DSCAML1: variants seen among roughly 807,000 people sequenced by gnomAD.
DSCAML1 encodes the protein cell adhesion molecule DSCAML1.
A neutral mutation model predicts 200.5 loss-of-function variants in DSCAML1; 38 were observed. The observed-to-expected ratio is 0.19, with a 90% confidence interval of 0.15 to 0.25. DSCAML1 has a LOEUF of 0.25. Among genes scored for constraint, DSCAML1 ranks in the 10% least tolerant of loss-of-function variants. DSCAML1 has a pLI of 1.00. For synonymous variants in DSCAML1, 1,215 were observed against 1,165.0 expected (o/e 1.04, Z -0.87); for missense variants, 2,223 against 2,858.8 (o/e 0.78, Z 5.07).
At chr11:117,653,812 C>T (rs1429159559) in intron 3 of DSCAML1, among the ~76,000 whole-genome samples, 1 of 152,150 alleles carries the variant, frequency 6.6e-6, no homozygotes, top group Non-Finnish European at 1.5e-5. Context: ...CCAAAATGTC[C>T]ATCAACTGGT....
intron 3 of DSCAML1, among the ~76,000 whole-genome samples, chr11:117,579,360 A>G (rs1420061224): frequency 6.6e-6 from 1 of 152,106 alleles, no homozygotes; most frequent in Non-Finnish European, 1.5e-5. Context: ...TGGCTCCCCT[A>G]TCCTTGTTGA....
intron 30 of DSCAML1, 23 bp downstream of exon 30, chr11:117,432,329 G>C: frequency 6.2e-7 from 1 of 1,602,044 alleles, no homozygotes; most frequent in Non-Finnish European, 8.5e-7. Flanking sequence ...GAAAAGGGCT[G>C]TCTCCCTGGG....
intron 3 of DSCAML1, among the ~76,000 whole-genome samples, chr11:117,542,782 A>G (rs1054044513): frequency 6.6e-6 from 1 of 152,250 alleles, no homozygotes; most frequent in African/African-American, 2.4e-5. Context: ...CTTCCTTTAC[A>G]GATGAGGAAA....
intron 3 of DSCAML1, among the ~76,000 whole-genome samples, chr11:117,575,572 A>G (rs1478493556): frequency 6.6e-6 from 1 of 152,230 alleles, no homozygotes; most frequent in African/African-American, 2.4e-5. Context: ...CTCCTGCATG[A>G]GAAGAGCTCA....
chr11:117,798,891 G>C (rs534972481), upstream of DSCAML1, among the ~76,000 whole-genome samples: 15 of 152,126 alleles, frequency 9.9e-5, no homozygotes, highest in Admixed American at 4.6e-4. Context: ...AGCATCCCTC[G>C]GTGGCTCAGC....
chr11:117,646,050 C>A (rs1031875903), intron 3 of DSCAML1, among the ~76,000 whole-genome samples: 1 of 152,086 alleles, frequency 6.6e-6, no homozygotes, highest in Non-Finnish European at 1.5e-5. Context: ...TTTTACAGCT[C>A]TTTTCAAATG....
rs770489685 is a variant in DSCAML1 at position 117,776,870 on chromosome 11, G to A, written c.432C>T (p.Phe144=). ...QRSMRGNVAV[F]KCLIPSSVQE... ...GCACTGAAGAGGGGATGAGGCACTT[G>A]AAGACGGCCACGTTGCCACGCATTG... is the stretch of plus-strand genomic sequence containing the variant. The change falls in exon 3 of 33, where the codon TTC becomes TTT. Residue 144 remains phenylalanine, a synonymous_variant. Coordinates refer to ENST00000651296, the MANE Select transcript of DSCAML1 (RefSeq NM_020693.4). The A allele has an allele frequency of 6.2e-7, 1 of 1,614,078 alleles. No homozygotes were observed. The highest frequency in any genetic ancestry group is 8.5e-7 in the Non-Finnish European group (1 of 1,180,046).
intron 3 of DSCAML1, among the ~76,000 whole-genome samples, chr11:117,595,059 T>TACACACACACACACACACAC (rs374932790): frequency 2.7e-3 from 386 of 143,898 alleles, no homozygotes; most frequent in Middle Eastern, 0.014. Context: ...GTCTTTCTCT[T>TACACACACACACACACACAC]ACACACACAC....
chr11:117,619,995 GTGAGAAAAATTAGCTAATT>G (rs935653064), intron 3 of DSCAML1, among the ~76,000 whole-genome samples: 28 of 152,194 alleles, frequency 1.8e-4, no homozygotes, highest in African/African-American at 6.0e-4. Context: ...CCATAAATTG[GTGAGAAAAATTAGCTAATT>G]TAAGAAAAAT....
At chr11:117,757,572 A>G (rs7114641) in intron 3 of DSCAML1, among the ~76,000 whole-genome samples, 10,226 of 88,622 alleles carry the variant, frequency 0.12, 541 homozygotes, top group African/African-American at 0.22. Context: ...TTAGGAGCCT[A>G]TACACACACA....
chr11:117,509,500 C>T (rs917520398), intron 8 of DSCAML1, among the ~76,000 whole-genome samples: 7 of 152,188 alleles, frequency 4.6e-5, no homozygotes, highest in African/African-American at 9.6e-5. Flanking sequence ...TCCAACCCTG[C>T]TTCTGGGGGA....
At position 117,776,932 on chromosome 11, in the gene DSCAML1, T is replaced by G; in HGVS notation, c.370A>C (p.Arg124=). 6.2e-7 allele frequency: 1 copy of G among 1,613,804 alleles called. No individual in the cohort carries two copies. The highest frequency in any genetic ancestry group is 8.5e-7 in the Non-Finnish European group (1 of 1,179,996). Residue 124 remains arginine, a synonymous_variant, in exon 3 of 33, where the codon AGG becomes CGG. Coordinates refer to ENST00000651296, the MANE Select transcript of DSCAML1 (RefSeq NM_020693.4). ...TCCACCCGGACGGTGTAGGGTTCCC[T>G]GAAAACTGCAGAGAGATTGGCAGTG... ...SPNIRVKAVF[R]EPYTVRVEDQ...
chr11:117,676,905 C>T (rs116578625), intron 3 of DSCAML1, among the ~76,000 whole-genome samples: 1,672 of 152,252 alleles, frequency 0.011, 33 homozygotes, highest in African/African-American at 0.038. Context: ...GGGGTGTGGC[C>T]GAGCCACGAG....
At chr11:117,741,265 C>T (rs1370921416) in intron 3 of DSCAML1, among the ~76,000 whole-genome samples, 5 of 152,312 alleles carry the variant, frequency 3.3e-5, no homozygotes, top group Admixed American at 6.5e-5. Flanking sequence ...TGGGTGGAAG[C>T]GACAAATGCC....
At chr11:117,728,896 C>T (rs910359622) in intron 3 of DSCAML1, among the ~76,000 whole-genome samples, 1 of 152,200 alleles carries the variant, frequency 6.6e-6, no homozygotes, top group African/African-American at 2.4e-5. Flanking sequence ...AGCAGAATTC[C>T]AGCTGGTTTC....
At chr11:117,487,176 C>T (rs935542997) in intron 11 of DSCAML1, among the ~76,000 whole-genome samples, 1 of 152,038 alleles carries the variant, frequency 6.6e-6, no homozygotes, top group African/African-American at 2.4e-5. Context: ...CCACCCGCCT[C>T]AGCCTCCCAA....
At chr11:117,799,963 G>A (rs1168670684), upstream of DSCAML1, among the ~76,000 whole-genome samples, 1 of 152,214 alleles carries the variant, frequency 6.6e-6, no homozygotes, top group African/African-American at 2.4e-5. Context: ...CTTCCATGCT[G>A]TGACAAAGCC....
chr11:117,519,896 C>A (rs2049853969), intron 6 of DSCAML1, among the ~76,000 whole-genome samples: 1 of 152,166 alleles, frequency 6.6e-6, no homozygotes, highest in East Asian at 1.9e-4. Flanking sequence ...GGCTTAGGTT[C>A]CTGGGTGCCT....
chr11:117,765,433 T>G (rs2054879276), intron 3 of DSCAML1, among the ~76,000 whole-genome samples: 1 of 152,172 alleles, frequency 6.6e-6, no homozygotes, highest in Admixed American at 6.5e-5. Context: ...CATCTAGCCC[T>G]CAGGCCTTTA....
Sources: allele counts gnomAD v4.1 joint callset (sites outside exome capture counted in the v4.1 genomes callset), GRCh38; gene constraint gnomAD v4.1.1; transcripts MANE v1.5; gene names NCBI Gene and HGNC (gene_info 2026-07-23, HGNC 2026-07-21).